SETX: variants seen among roughly 807,000 people sequenced by gnomAD.
SETX encodes the protein helicase senataxin.
In SETX, 90 loss-of-function variants were observed where a neutral mutation model predicts 227.2. The observed-to-expected ratio is 0.40, with a 90% confidence interval of 0.33 to 0.47. The LOEUF (loss-of-function observed/expected upper bound fraction) is 0.47. Among genes scored for constraint, SETX ranks in the 20% least tolerant of loss-of-function variants. The pLI is 0.91. For missense variants in SETX, 3,052 were observed against 3,181.5 expected (o/e 0.96, Z 0.98); for synonymous variants, 1,210 against 1,113.2 (o/e 1.09, Z -1.73).
intron 3 of SETX, among the ~76,000 whole-genome samples, chr9:132,347,238 G>C (rs1848341662): frequency 1.3e-5 from 2 of 151,254 alleles, no homozygotes; most frequent in Non-Finnish European, 2.9e-5. Context: ...GGCAACAACA[G>C]GGAAACTCCA....
intron 17 of SETX, among the ~76,000 whole-genome samples, chr9:132,287,944 T>C (rs928337759): frequency 3.9e-5 from 6 of 152,124 alleles, no homozygotes; most frequent in African/African-American, 1.4e-4. Context: ...GATGCTGAGG[T>C]GGGCAGATCA....
chr9:132,283,778 C>T (rs1038304202), intron 18 of SETX, among the ~76,000 whole-genome samples: 1 of 152,060 alleles, frequency 6.6e-6, no homozygotes, highest in Non-Finnish European at 1.5e-5. Context: ...TGAGTAAAAC[C>T]AGGGGTGGAA....
At position 132,288,384 on chromosome 9, in the gene SETX, T is replaced by C. The variant is rs374855878; in HGVS notation, c.6209-33A>G. 4.7e-4 allele frequency: 716 copies of C among 1,530,142 alleles called. 1 individual carries two copies. Among genetic ancestry groups the C allele is most frequent in the East Asian group, 6.2e-4 (26 of 41,696 alleles). 94.8% of individuals were successfully genotyped at this position (1,530,142 alleles called of 1,614,324 possible). ...AAATAACAAATAAAAAATTATATGC[T>C]ATTCTAATTCTAACAAACTCACACA... is the stretch of plus-strand genomic sequence containing the variant. On this transcript the variant is annotated intron_variant, in intron 16 of 25. Coordinates refer to ENST00000224140, the MANE Select transcript of SETX (RefSeq NM_015046.7).
upstream of SETX, among the ~76,000 whole-genome samples, chr9:132,355,287 T>G (rs1362336719): frequency 6.6e-6 from 1 of 152,184 alleles, no homozygotes; most frequent in African/African-American, 2.4e-5. Flanking sequence ...GGCTCCGGGA[T>G]GAGCTCTGCT....
intron 15 of SETX, among the ~76,000 whole-genome samples, chr9:132,293,312 G>A (rs556568001): frequency 2.4e-4 from 36 of 152,100 alleles, no homozygotes; most frequent in Middle Eastern, 6.8e-3. Flanking sequence ...ATGGAGAGAC[G>A]TTCAAGTCAT....
intron 19 of SETX, chr9:132,282,749 T>C (rs1055437519): frequency 6.1e-6 from 1 of 163,518 alleles, no homozygotes; most frequent in African/African-American, 2.4e-5. Context: ...TATTTAATCA[T>C]TTCCACTTTT....
rs1157752604 is a variant in SETX, at chr9:132,263,290, C to T, written c.*949G>A. 1.4e-4 allele frequency: 21 copies of T among 152,224 alleles called. 1 individual carries two copies. The highest frequency in any genetic ancestry group is 1.3e-3 in the Admixed American group (20 of 15,284). The allele number at this position is 152,224 out of a possible 1,614,324, so 9.4% of individuals were successfully genotyped here. A position where few individuals can be genotyped will look rare whatever the true frequency, so the allele number is the denominator to read the frequency against. On this transcript the variant is annotated 3_prime_UTR_variant, in exon 26 of 26. Transcript: ENST00000224140. ...CCCTTGGGAAATGTTGAACACACAG[C>T]TTCCCAGGCTTTCTGGAAAACTAGT...
intron 6 of SETX, among the ~76,000 whole-genome samples, chr9:132,335,263 C>T (rs528048088): frequency 1.0e-3 from 151 of 151,444 alleles, no homozygotes; most frequent in African/African-American, 3.0e-3. Flanking sequence ...TGGTGGCAGG[C>T]GCCTGTGGTC....
chr9:132,287,241 T>A (rs943767293), intron 17 of SETX, among the ~76,000 whole-genome samples: 5 of 152,128 alleles, frequency 3.3e-5, no homozygotes, highest in Admixed American at 1.3e-4. Flanking sequence ...TCCTGGCACT[T>A]TGGGAGGCTA....
intron 11 of SETX, 44 bp from the exon 12 acceptor site, chr9:132,300,847 ATTATT>A: frequency 2.7e-6 from 4 of 1,498,108 alleles, no homozygotes; most frequent in Non-Finnish European, 3.6e-6. Context: ...CTCTAATAGA[ATTATT>A]TTAAATAAGA....
At chr9:132,341,830 C>T (rs1398771907) in intron 5 of SETX, among the ~76,000 whole-genome samples, 2 of 152,174 alleles carry the variant, frequency 1.3e-5, no homozygotes, top group African/African-American at 4.8e-5. Flanking sequence ...CCGAGCTACC[C>T]ACCGCCACCC....
At chr9:132,326,261 T>G in intron 10 of SETX, 63 bp downstream of exon 10, 4 of 1,278,130 alleles carry the variant, frequency 3.1e-6, no homozygotes, top group Non-Finnish European at 4.4e-6. Context: ...TCATTTTCAC[T>G]CAGCAAGGTA....
rs761119964 is a variant in SETX at position 132,327,162 on chromosome 9, G to A, written c.4436C>T (p.Ala1479Val). ...DPTARHIEMA[A>V]LKEGEPDSSS... ...GGAGTCAGGCTCTCCTTCTTTCAAA[G>A]CTGCCATCTCTATATGACGTGCTGT... The change falls in exon 10 of 26, where the codon GCT (alanine) becomes GTT (valine). Residue 1479 changes from alanine (A) to valine (V), a missense_variant. By Grantham distance (64) the Ala-to-Val change is moderately conservative. Coordinates refer to ENST00000224140, the MANE Select transcript of SETX (RefSeq NM_015046.7). 2.4e-5 allele frequency: 39 copies of A among 1,613,988 alleles called. No individual in the cohort carries two copies. The highest frequency in any genetic ancestry group is 3.2e-5 in the Non-Finnish European group (38 of 1,180,038).
rs565227698 is a variant in SETX, at chr9:132,261,602, A to G, written c.*2637T>C. On this transcript the variant is annotated 3_prime_UTR_variant, in exon 26 of 26. Transcript: ENST00000224140. The stretch of plus-strand genomic sequence containing the variant: ...GCAGCTATTAATTCACAGCATAGAA[A>G]AGTCAAAGCTATAGCAAAAAATTGC... 1 of 152,834 alleles carries G rather than the reference A, an allele frequency of 6.5e-6. No homozygotes were observed. The highest frequency in any genetic ancestry group is 1.5e-5 in the Non-Finnish European group (1 of 68,186). 9.5% of individuals were successfully genotyped at this position (152,834 alleles called of 1,614,324 possible).
intron 11 of SETX, among the ~76,000 whole-genome samples, chr9:132,310,854 T>C (rs1462121832): frequency 1.1e-4 from 16 of 152,254 alleles, no homozygotes; most frequent in Non-Finnish European, 4.4e-5. Flanking sequence ...ATGATCCGTT[T>C]CACTTAATGA....
Position 132,328,233 on chromosome 9 carries a change from C to A in SETX, c.3365G>T (p.Gly1122Val). The A allele has an allele frequency of 5.0e-6, 8 of 1,614,164 alleles. No individual in the cohort carries two copies. The highest frequency in any genetic ancestry group is 6.8e-6 in the Non-Finnish European group (8 of 1,180,024). Residue 1122 changes from glycine to valine, a missense_variant, in exon 10 of 26, where the codon GGT becomes GTT. Physicochemically the swap from Gly to Val is moderately radical, Grantham distance 109 (BLOSUM62 -3). Around this residue, in one of 10 missense-constraint regions of SETX, gnomAD observed 1,483 missense variants for 1,312.0 expected, o/e 1.13. Transcript: ENST00000224140. ...APIANTTNGQGCTDYVSEVVK... is the reference protein window; with the variant it reads ...APIANTTNGQVCTDYVSEVVK... ...AACTTCAGATACATAATCTGTACAA[C>A]CCTGACCATTTGTAGTATTGGCTAT...
In SETX at chr9:132,327,556, G is replaced by C; in HGVS notation, c.4042C>G (p.Leu1348Val). Residue 1348 changes from leucine to valine, a missense_variant, in exon 10 of 26, where the codon CTT becomes GTT. Transcript: ENST00000224140. ...GGTCTGATCTGCCTTTGCATCTGAAGTTCTTGACTAGTCAGAAGTTTCTTA... is the reference window on the plus strand; with the variant it reads ...GGTCTGATCTGCCTTTGCATCTGAACTTCTTGACTAGTCAGAAGTTTCTTA... ...NNKKLLTSQE[L>V]QMQRQIRPKS... 6.2e-7 allele frequency: 1 copy of C among 1,614,038 alleles called. No homozygotes were observed.
At position 132,326,818 on chromosome 9, in the gene SETX, G is replaced by A. The variant is rs1296769718; in HGVS notation, c.4780C>T (p.Pro1594Ser). Residue 1594 changes from proline (P) to serine (S), a missense_variant, in exon 10 of 26, where the codon CCT becomes TCT. Physicochemically the swap from Pro to Ser is moderately conservative, Grantham distance 74. This residue lies in a region of SETX where 1,483 missense variants were observed against 1,312.0 expected (regional missense o/e 1.13). Transcript: ENST00000224140. Reference protein sequence around the residue: ...LPPPASKPLRPTTKIFSSKST... With the variant: ...LPPPASKPLRSTTKIFSSKST... ...TTTGAGCTAAAAATCTTAGTGGTAGGTCTCAAAGGTTTAGATGCAGGAGGA... is the reference window on the plus strand; with the variant it reads ...TTTGAGCTAAAAATCTTAGTGGTAGATCTCAAAGGTTTAGATGCAGGAGGA... The A allele has an allele frequency of 1.9e-6, 3 of 1,614,172 alleles. No individual in the cohort carries two copies. Among genetic ancestry groups the A allele is most frequent in the South Asian group, 1.1e-5 (1 of 91,078 alleles).
intron 2 of SETX, among the ~76,000 whole-genome samples, chr9:132,352,001 C>G (rs1385909026): frequency 6.6e-6 from 1 of 152,220 alleles, no homozygotes; most frequent in Non-Finnish European, 1.5e-5. Context: ...TATCCTTAGG[C>G]TATCCATTTC....
Sources: gnomAD v4.1 joint callset for allele counts (sites outside exome capture counted in the v4.1 genomes callset) on GRCh38, gnomAD v4.1.1 for gene constraint, gnomAD v4.1.1 regional missense constraint, MANE v1.5 for transcripts, NCBI Gene and HGNC (gene_info 2026-07-23, HGNC 2026-07-21) for gene names.